The following CNTN3 variants were observed in gnomAD, a reference collection of about 807,000 sequenced individuals.
CNTN3 encodes the protein contactin 3.
CNTN3 carries 60 observed loss-of-function variants against 119.1 expected under a neutral mutation model. The ratio of observed to expected loss-of-function variants is 0.50; its 90% CI spans 0.41 to 0.62. The LOEUF is 0.62. CNTN3 is among the 20% of genes least tolerant of loss of function. The pLI, the probability that CNTN3 is intolerant of heterozygous loss-of-function variation, is 0.00. For synonymous variants in CNTN3, 450 were observed against 438.7 expected, an observed-to-expected ratio of 1.03 and a Z score of -0.32; for missense variants, 1,101 against 1,242.4, an observed-to-expected ratio of 0.89 and a Z score of 1.71.
Position 74,496,528 on chromosome 3 carries a change from T to G in CNTN3, c.182+3131A>C, listed in dbSNP as rs142649902. Among the ~76,000 whole-genome samples the G allele has an allele frequency of 8.3e-3, 1,266 of 152,130 alleles. 9 individuals are homozygous for G. Among genetic ancestry groups the G allele is most frequent in the Non-Finnish European group, 0.012 (802 of 67,960 alleles). ...CCTGGTCCCTGTTGGCATGTACCTA[T>G]TTTACCCCAATCTCACTGAAACAAG... is the stretch of plus-strand genomic sequence containing the variant. On this transcript the variant is annotated intron_variant, in intron 3 of 22. Coordinates refer to ENST00000263665, the MANE Select transcript of CNTN3 (RefSeq NM_020872.3).
chr3:74,504,852 G>A lies in CNTN3; in HGVS notation c.56-5067C>T, dbSNP rs553767698. 5.9e-5 allele frequency among the ~76,000 whole-genome samples: 9 copies of A among 152,202 alleles called. No homozygotes were observed. In the South Asian group the frequency reaches 1.7e-3, roughly 28 times the overall value. ...GAGACCACTAAAAGCCCAAGAGGGT[G>A]TATTCATTTTCTAGGGTTGCTATAA... On this transcript the variant is annotated intron_variant, in intron 2 of 22. Coordinates refer to ENST00000263665, the MANE Select transcript of CNTN3 (RefSeq NM_020872.3).
rs535361156 is a variant in CNTN3, at chr3:74,397,454, G to A, written c.455-26055C>T. 5.3e-5 allele frequency among the ~76,000 whole-genome samples: 8 copies of A among 151,252 alleles called. 1 individual carries two copies. The East Asian group carries it at 7.8e-4, about 15-fold the overall frequency. On this transcript the variant is annotated intron_variant, in intron 5 of 22. Transcript: ENST00000263665. ...TCCACAAACTGTGCTCATATAAGACGGCAAACTTGATCAATAAATGTTCTA... is the reference window on the plus strand; with the variant it reads ...TCCACAAACTGTGCTCATATAAGACAGCAAACTTGATCAATAAATGTTCTA...
chr3:74,338,411 T>C (rs1304319879), intron 11 of CNTN3, among the ~76,000 whole-genome samples: 1 of 152,072 alleles, frequency 6.6e-6, no homozygotes, highest in Non-Finnish European at 1.5e-5. Flanking sequence ...TATATACATA[T>C]GTGTATACAT....
intron 20 of CNTN3, among the ~76,000 whole-genome samples, chr3:74,280,841 T>C (rs1203143930): frequency 2.0e-5 from 3 of 152,112 alleles, no homozygotes; most frequent in Non-Finnish European, 2.9e-5. Flanking sequence ...TGAGATACAG[T>C]ACATGTGGTG....
chr3:74,492,990 T>C (rs1702995824), intron 3 of CNTN3, among the ~76,000 whole-genome samples: 1 of 152,118 alleles, frequency 6.6e-6, no homozygotes, highest in Non-Finnish European at 1.5e-5. Flanking sequence ...TAATTCTATT[T>C]TCTACCCTAG....
chr3:74,374,479 T>C (rs922649324), intron 5 of CNTN3, among the ~76,000 whole-genome samples: 23 of 152,070 alleles, frequency 1.5e-4, no homozygotes, highest in Non-Finnish European at 3.4e-4. Context: ...CTTCCTTTCC[T>C]AGGAGTAACT....
chr3:74,466,352 CAGTGTTAG>C (rs1012004335), intron 4 of CNTN3, among the ~76,000 whole-genome samples: 5 of 152,088 alleles, frequency 3.3e-5, no homozygotes, highest in Non-Finnish European at 5.9e-5. Flanking sequence ...CACCAAAATA[CAGTGTTAG>C]AAAAACCATG....
chr3:74,473,070 A>C (rs1360313763), intron 4 of CNTN3, among the ~76,000 whole-genome samples: 1 of 151,500 alleles, frequency 6.6e-6, no homozygotes, highest in Non-Finnish European at 1.5e-5. Flanking sequence ...ATAATTAAAA[A>C]ATTAAAAAAA....
At chr3:74,469,522 A>G (rs1331289919) in intron 4 of CNTN3, among the ~76,000 whole-genome samples, 1 of 152,214 alleles carries the variant, frequency 6.6e-6, no homozygotes, top group Non-Finnish European at 1.5e-5. Context: ...AAATAACCCA[A>G]TTTAAAAATG....
chr3:74,371,641 T>C (rs1704341429), intron 5 of CNTN3, among the ~76,000 whole-genome samples: 1 of 152,124 alleles, frequency 6.6e-6, no homozygotes, highest in African/African-American at 2.4e-5. Flanking sequence ...TATCTCTGCT[T>C]CAGACACCTT....
rs151220962 is a variant in CNTN3 at position 74,450,365 on chromosome 3, G to T, written c.359-25425C>A. Among the ~76,000 whole-genome samples, 539 of 152,060 alleles carry T rather than the reference G, an allele frequency of 3.5e-3. 8 individuals are homozygous for T. Among genetic ancestry groups the T allele is most frequent in the African/African-American group, 0.012 (518 of 41,512 alleles). ...GAAAATGTAAATTGGTGTAACTTTG[G>T]AAAGTTTGATAAATTTCTATGACTC... On this transcript the variant is annotated intron_variant, in intron 4 of 22. Coordinates refer to ENST00000263665, the MANE Select transcript of CNTN3 (RefSeq NM_020872.3).
intron 22 of CNTN3, among the ~76,000 whole-genome samples, 169 bp from the exon 23 acceptor site, chr3:74,264,670 C>T (rs1314803972): frequency 6.6e-6 from 1 of 152,002 alleles, no homozygotes; most frequent in Admixed American, 6.6e-5. Context: ...CTGAATCTGC[C>T]AGCAATTTGA....
chr3:74,495,687 A>G (rs1398650664), intron 3 of CNTN3, among the ~76,000 whole-genome samples: 1 of 152,150 alleles, frequency 6.6e-6, no homozygotes, highest in East Asian at 1.9e-4. Flanking sequence ...GTTGACTATC[A>G]GTAAATTAAA....
At chr3:74,357,511 GA>G (rs1703965167) in intron 11 of CNTN3, among the ~76,000 whole-genome samples, 1 of 151,896 alleles carries the variant, frequency 6.6e-6, no homozygotes, top group South Asian at 2.1e-4. Flanking sequence ...TTGAACTCCT[GA>G]CCTCAGGTGA....
At chr3:74,426,757 C>G (rs1285008276) in intron 4 of CNTN3, among the ~76,000 whole-genome samples, 1 of 152,296 alleles carries the variant, frequency 6.6e-6, no homozygotes, top group East Asian at 1.9e-4. Context: ...CATTAAGTCT[C>G]TTGGAATGTA....
chr3:74,444,580 T>C (rs983725216), intron 4 of CNTN3, among the ~76,000 whole-genome samples: 11 of 152,128 alleles, frequency 7.2e-5, no homozygotes, highest in Non-Finnish European at 1.6e-4. Context: ...TGTCCAACAA[T>C]GCTAACTTTC....
chr3:74,450,463 T>G (rs1222404587), intron 4 of CNTN3, among the ~76,000 whole-genome samples: 2 of 151,048 alleles, frequency 1.3e-5, no homozygotes, highest in Non-Finnish European at 2.9e-5. Flanking sequence ...GCAAACAACC[T>G]AAATGATTCT....
At chr3:74,458,165 G>A (rs1559613322) in intron 4 of CNTN3, among the ~76,000 whole-genome samples, 1 of 151,984 alleles carries the variant, frequency 6.6e-6, no homozygotes, top group Admixed American at 6.6e-5. Flanking sequence ...ATGAGGTCTA[G>A]GAAGAGGTCT....
At chr3:74,484,188 C>T (rs1452905090) in intron 4 of CNTN3, among the ~76,000 whole-genome samples, 2 of 152,094 alleles carry the variant, frequency 1.3e-5, no homozygotes, top group African/African-American at 2.4e-5. Flanking sequence ...CTGGGTAGTC[C>T]ACCAACACCA....
Sources: gnomAD v4.1 joint callset for allele counts (sites outside exome capture counted in the v4.1 genomes callset) on GRCh38, gnomAD v4.1.1 for gene constraint, MANE v1.5 for transcripts, NCBI Gene and HGNC (gene_info 2026-07-23, HGNC 2026-07-21) for gene names.